LRP6: variants seen among roughly 807,000 people sequenced by gnomAD.
LRP6 encodes the protein LDL receptor related protein 6, also known as low-density lipoprotein receptor-related protein 6.
A neutral mutation model predicts 184.1 loss-of-function variants in LRP6; 43 were observed. That is an observed-to-expected ratio of 0.23 (90% CI 0.18 to 0.30). LRP6 has a LOEUF of 0.30. Ranked by LOEUF, LRP6 falls within the 10% of genes least tolerant of loss-of-function variation. The pLI, the probability that LRP6 is intolerant of heterozygous loss-of-function variation, is 1.00. For missense variants in LRP6, 1,571 were observed against 2,005.3 expected (o/e 0.78, Z 4.14); for synonymous variants, 719 against 684.9 (o/e 1.05, Z -0.78).
At chr12:12,266,119 C>T (rs1165885733) in intron 1 of LRP6, among the ~76,000 whole-genome samples, 1 of 152,118 alleles carries the variant, frequency 6.6e-6, no homozygotes, top group Non-Finnish European at 1.5e-5. Context: ...CCTATAACCC[C>T]GGAGTCACTT....
At position 12,117,335 on chromosome 12, in the gene LRP6, C is replaced by T. The variant is rs1339011565; in HGVS notation, c.*3791G>A. On this transcript the variant is annotated 3_prime_UTR_variant, in exon 23 of 23. Transcript: ENST00000261349. Reference sequence around the variant, plus strand: ...TGTCCACCTACTGATAACTGGTCAACACACTCATATCCATACTCTAAATCA... The same window carrying T: ...TGTCCACCTACTGATAACTGGTCAATACACTCATATCCATACTCTAAATCA... 1 of 152,226 alleles carries T rather than the reference C, an allele frequency of 6.6e-6. No individual in the cohort carries two copies. Among genetic ancestry groups the T allele is most frequent in the Non-Finnish European group, 1.5e-5 (1 of 68,038 alleles). 9.4% of individuals were successfully genotyped at this position (152,226 alleles called of 1,614,324 possible).
chr12:12,215,713 T>C (rs1296038816), intron 2 of LRP6, among the ~76,000 whole-genome samples: 1 of 151,732 alleles, frequency 6.6e-6, no homozygotes, highest in African/African-American at 2.4e-5. Flanking sequence ...AGAGTTTTCT[T>C]TTAAGAATCT....
chr12:12,157,838 T>C (rs544885169), intron 12 of LRP6, among the ~76,000 whole-genome samples: 1 of 152,330 alleles, frequency 6.6e-6, no homozygotes, highest in South Asian at 2.1e-4. Flanking sequence ...TTCTTGTCTA[T>C]CCACCAAGAA....
intron 3 of LRP6, among the ~76,000 whole-genome samples, chr12:12,188,427 G>C (rs987693142): frequency 5.9e-5 from 9 of 152,072 alleles, no homozygotes; most frequent in Non-Finnish European, 8.8e-5. Flanking sequence ...AGCTACTGAA[G>C]AGAAATTAAA....
Position 12,121,414 on chromosome 12 carries a change from C to A in LRP6, c.4554G>T (p.Arg1518Ser). 6.2e-7 allele frequency: 1 copy of A among 1,613,838 alleles called. No individual in the cohort carries two copies. Among genetic ancestry groups the A allele is most frequent in the Non-Finnish European group, 8.5e-7 (1 of 1,179,936 alleles). ...GTGCAAAGTGCCGGTAGCTATATGG[C>A]CTGTAGCTGGTATAGGGAGAAAATA... ...SPSTHRSYSYRPYSYRHFAPP... is the reference protein window; with the variant it reads ...SPSTHRSYSYSPYSYRHFAPP... The change falls in exon 23 of 23, where the codon AGG becomes AGT. Residue 1518 changes from arginine (R) to serine (S), a missense_variant. Physicochemically the swap from Arg to Ser is moderately radical, Grantham distance 110. This residue lies in a region of LRP6 where 763 missense variants were observed against 859.5 expected (regional missense o/e 0.89). Coordinates refer to ENST00000261349, the MANE Select transcript of LRP6 (RefSeq NM_002336.3).
chr12:12,205,341 A>C (rs1053587514), intron 2 of LRP6, among the ~76,000 whole-genome samples: 40 of 142,706 alleles, frequency 2.8e-4, no homozygotes, highest in African/African-American at 8.6e-4. Context: ...AAAAAAAAAA[A>C]AAAAAAAAAA....
At chr12:12,229,302 G>A (rs28448423) in intron 2 of LRP6, among the ~76,000 whole-genome samples, 10,662 of 151,262 alleles carry the variant, frequency 0.07, 442 homozygotes, top group Admixed American at 0.097. Context: ...CCCGCAAGGC[G>A]GAGGTTGCTG....
intron 22 of LRP6, among the ~76,000 whole-genome samples, chr12:12,122,684 T>A (rs1227423482): frequency 6.6e-6 from 1 of 152,000 alleles, no homozygotes; most frequent in African/African-American, 2.4e-5. Flanking sequence ...AAAAAAAAGC[T>A]AGCCAGGCGT....
intron 1 of LRP6, among the ~76,000 whole-genome samples, 191 bp downstream of exon 1, chr12:12,266,490 C>T (rs1177023150): frequency 3.3e-5 from 5 of 152,228 alleles, no homozygotes; most frequent in Middle Eastern, 3.4e-3. Flanking sequence ...CAGGCCAGGT[C>T]CGCATTGTGG....
chr12:12,261,293 G>A (rs1232774920), intron 1 of LRP6, among the ~76,000 whole-genome samples: 3 of 151,650 alleles, frequency 2.0e-5, no homozygotes. Context: ...GGTGGCGGGC[G>A]CCTATAGGCT....
intron 2 of LRP6, among the ~76,000 whole-genome samples, chr12:12,226,483 GA>G (rs1864627415): frequency 6.6e-6 from 1 of 152,182 alleles, no homozygotes; most frequent in Admixed American, 6.5e-5. Flanking sequence ...TAAGCAAGGG[GA>G]AAAATCAAAG....
intron 17 of LRP6, among the ~76,000 whole-genome samples, chr12:12,134,722 A>C (rs780023713): frequency 7.9e-5 from 12 of 152,182 alleles, no homozygotes; most frequent in Non-Finnish European, 1.5e-4. Context: ...AGGTAGAATT[A>C]ATTCATTTTT....
intron 22 of LRP6, 68 bp from the exon 23 acceptor site, chr12:12,121,488 T>C (rs923934058): frequency 1.1e-5 from 16 of 1,408,084 alleles, no homozygotes; most frequent in Admixed American, 1.7e-5. Context: ...CCTCTCAGAA[T>C]AGAGGTATTA....
chr12:12,204,695 C>T (rs1403627959), intron 2 of LRP6, among the ~76,000 whole-genome samples: 1 of 151,826 alleles, frequency 6.6e-6, no homozygotes, highest in Admixed American at 6.6e-5. Context: ...GGTCGAGGCA[C>T]CTGTAATCCC....
chr12:12,227,539 C>A (rs749356685), intron 2 of LRP6, among the ~76,000 whole-genome samples: 10 of 151,894 alleles, frequency 6.6e-5, no homozygotes, highest in Non-Finnish European at 1.3e-4. Context: ...TCCCGAGTAG[C>A]TGGGATTACA....
chr12:12,187,347 C>T (rs1565620073), intron 3 of LRP6: 2 of 540,812 alleles, frequency 3.7e-6, no homozygotes, highest in South Asian at 2.1e-5. Context: ...TAGTCCCTAA[C>T]TTGGCAGCAG....
intron 2 of LRP6, among the ~76,000 whole-genome samples, chr12:12,225,654 T>A (rs941558804): frequency 2.0e-5 from 3 of 151,890 alleles, no homozygotes; most frequent in African/African-American, 4.8e-5. Flanking sequence ...GGTGGATCAC[T>A]TGAGGTCAGG....
chr12:12,235,557 C>A (rs1864910504), intron 2 of LRP6, among the ~76,000 whole-genome samples: 2 of 151,908 alleles, frequency 1.3e-5, no homozygotes, highest in African/African-American at 4.8e-5. Context: ...ATGCAGAAAC[C>A]CCGTCTCTAC....
At chr12:12,245,536 CTT>C (rs1408569228) in intron 1 of LRP6, among the ~76,000 whole-genome samples, 1 of 152,078 alleles carries the variant, frequency 6.6e-6, no homozygotes, top group East Asian at 1.9e-4. Context: ...CATGTCAAAA[CTT>C]ATTAAATTTT....
Sources: allele counts gnomAD v4.1 joint callset (sites outside exome capture counted in the v4.1 genomes callset), GRCh38; gene constraint gnomAD v4.1.1; regional missense constraint gnomAD v4.1.1; transcripts MANE v1.5; gene names NCBI Gene and HGNC (gene_info 2026-07-23, HGNC 2026-07-21).